ZEB1: variants seen among roughly 807,000 people sequenced by gnomAD.
The protein encoded by ZEB1 is zinc finger E-box-binding homeobox 1.
Under a neutral mutation model 84.9 loss-of-function variants are expected in ZEB1, and 21 were observed. The ratio of observed to expected loss-of-function variants is 0.25; its 90% CI spans 0.18 to 0.36. The LOEUF is 0.36. Among genes scored for constraint, ZEB1 ranks in the 10% least tolerant of loss-of-function variants. ZEB1 has a pLI of 1.00. For synonymous variants in ZEB1, 420 were observed against 471.1 expected, an observed-to-expected ratio of 0.89 and a Z score of 1.41; for missense variants, 1,104 against 1,330.2, an observed-to-expected ratio of 0.83 and a Z score of 2.65.
At chr10:31,522,050 G>C in intron 7 of ZEB1, 114 bp downstream of exon 7, 1 of 1,469,498 alleles carries the variant, frequency 6.8e-7, no homozygotes, top group Non-Finnish European at 9.3e-7. Context: ...ATTACAAACT[G>C]TCATTTTTAA....
At chr10:31,405,001 A>G (rs2052715198) in intron 1 of ZEB1, among the ~76,000 whole-genome samples, 1 of 152,112 alleles carries the variant, frequency 6.6e-6, no homozygotes, top group Admixed American at 6.6e-5. Context: ...TTCTTAATCA[A>G]TTTCACACAA....
At chr10:31,408,631 A>G (rs1185245000) in intron 1 of ZEB1, among the ~76,000 whole-genome samples, 4 of 145,546 alleles carry the variant, frequency 2.7e-5, no homozygotes, top group African/African-American at 8.0e-5. Flanking sequence ...CCTGAGAAAA[A>G]CAAGCAATGG....
chr10:31,495,199 T>C (rs1184742734), intron 2 of ZEB1, among the ~76,000 whole-genome samples: 1 of 152,056 alleles, frequency 6.6e-6, no homozygotes, highest in African/African-American at 2.4e-5. Flanking sequence ...TTTTAACTTA[T>C]AAAATATGTT....
At chr10:31,518,503 G>A (rs1429802548) in intron 6 of ZEB1, among the ~76,000 whole-genome samples, 1 of 152,132 alleles carries the variant, frequency 6.6e-6, no homozygotes, top group Non-Finnish European at 1.5e-5. Flanking sequence ...CTGTCTCTTA[G>A]TAGAATTGCC....
At chr10:31,387,794 A>G (rs2048891859) in intron 1 of ZEB1, 7 of 981,644 alleles carry the variant, frequency 7.1e-6, no homozygotes, top group Non-Finnish European at 7.3e-6. Flanking sequence ...TCTAATCTTT[A>G]AAAGGTATGT....
At chr10:31,456,069 A>G (rs1250444168) in intron 1 of ZEB1, among the ~76,000 whole-genome samples, 1 of 152,242 alleles carries the variant, frequency 6.6e-6, no homozygotes, top group Non-Finnish European at 1.5e-5. Context: ...ATGAAATACT[A>G]TGCAGCCCTA....
intron 1 of ZEB1, chr10:31,320,611 T>TA (rs748774628): frequency 0.016 from 2,436 of 150,772 alleles, 38 homozygotes; most frequent in African/African-American, 0.042. Flanking sequence ...GCGTGAGAGT[T>TA]AAAAAAAAAG....
chr10:31,339,825 A>G (rs1454212852), intron 1 of ZEB1, among the ~76,000 whole-genome samples: 1 of 151,680 alleles, frequency 6.6e-6, no homozygotes, highest in African/African-American at 2.4e-5. Flanking sequence ...TGTGACCATC[A>G]AGTCAGATAA....
At chr10:31,327,613 G>A (rs1162527060) in intron 1 of ZEB1, among the ~76,000 whole-genome samples, 1 of 152,100 alleles carries the variant, frequency 6.6e-6, no homozygotes, top group East Asian at 1.9e-4. Flanking sequence ...CCTACGTGTT[G>A]CTAATGGCTG....
Position 31,528,247 on chromosome 10 carries a change from A to C in ZEB1, c.*983A>C, listed in dbSNP as rs2073806246. 6.6e-6 allele frequency: 1 copy of C among 152,188 alleles called. No homozygotes were observed. Among genetic ancestry groups the C allele is most frequent in the Non-Finnish European group, 1.5e-5 (1 of 68,020 alleles). The allele number at this position is 152,188 out of a possible 1,614,324, so 9.4% of individuals were successfully genotyped here. A position where few individuals can be genotyped will look rare whatever the true frequency, so the allele number is the denominator to read the frequency against. The stretch of plus-strand genomic sequence containing the variant: ...TTTGTCTCTTGTATCAAAATTCCCA[A>C]ATAAAACTTAAAACCACTGACTCTG... On this transcript the variant is annotated 3_prime_UTR_variant, in exon 9 of 9. Coordinates refer to ENST00000424869, the MANE Select transcript of ZEB1 (RefSeq NM_001174096.2).
chr10:31,341,861 C>T (rs1277096809), intron 1 of ZEB1, among the ~76,000 whole-genome samples: 1 of 152,086 alleles, frequency 6.6e-6, no homozygotes, highest in African/African-American at 2.4e-5. Flanking sequence ...AAATCTATAT[C>T]GTTGTGATTT....
chr10:31,358,370 C>T (rs1383518647), intron 1 of ZEB1: 1 of 152,178 alleles, frequency 6.6e-6, no homozygotes, highest in Admixed American at 6.5e-5. Context: ...AATCTACTCT[C>T]TGACTCCTGT....
At chr10:31,389,441 A>G (rs978683927) in intron 1 of ZEB1, among the ~76,000 whole-genome samples, 3 of 152,026 alleles carry the variant, frequency 2.0e-5, no homozygotes, top group African/African-American at 7.2e-5. Context: ...CGGTATCTGT[A>G]TGCCACATTT....
chr10:31,409,597 TG>T (rs1478533498), intron 1 of ZEB1, among the ~76,000 whole-genome samples: 4 of 152,218 alleles, frequency 2.6e-5, no homozygotes, highest in African/African-American at 9.6e-5. Context: ...TAAATTACCT[TG>T]GGCAGTATGG....
intron 2 of ZEB1, among the ~76,000 whole-genome samples, chr10:31,482,192 A>G (rs766778998): frequency 6.6e-5 from 10 of 152,064 alleles, no homozygotes; most frequent in South Asian, 6.2e-4. Flanking sequence ...CTAGTGTGGT[A>G]TATTGACAAG....
At chr10:31,413,897 C>T (rs2054742102) in intron 1 of ZEB1, among the ~76,000 whole-genome samples, 1 of 152,154 alleles carries the variant, frequency 6.6e-6, no homozygotes, top group African/African-American at 2.4e-5. Flanking sequence ...CTAACTGACC[C>T]TAAACAGCTC....
At chr10:31,386,793 G>T (rs576838748) in intron 1 of ZEB1, among the ~76,000 whole-genome samples, 1 of 152,226 alleles carries the variant, frequency 6.6e-6, no homozygotes, top group African/African-American at 2.4e-5. Flanking sequence ...TTTTTAATGA[G>T]TTTAGCTATG....
At chr10:31,526,557 TAA>T in intron 8 of ZEB1, 113 bp from the exon 9 acceptor site, 1 of 1,331,592 alleles carries the variant, frequency 7.5e-7, no homozygotes, top group Non-Finnish European at 1.0e-6. Context: ...GGAAATGTTT[TAA>T]AAATGAAACT....
chr10:31,365,921 A>C (rs2134272906), intron 1 of ZEB1, among the ~76,000 whole-genome samples: 1 of 152,338 alleles, frequency 6.6e-6, no homozygotes. Flanking sequence ...GGTTACCATC[A>C]TTTACAGGCA....
Sources: allele counts gnomAD v4.1 joint callset (sites outside exome capture counted in the v4.1 genomes callset), GRCh38; gene constraint gnomAD v4.1.1; transcripts MANE v1.5; gene names NCBI Gene and HGNC (gene_info 2026-07-23, HGNC 2026-07-21).